XRRA1: variants seen among roughly 807,000 people sequenced by gnomAD.
XRRA1 encodes X-ray radiation resistance associated 1.
In XRRA1, 69 loss-of-function variants were observed where a neutral mutation model predicts 80.2. The observed-to-expected ratio is 0.86, with a 90% confidence interval of 0.71 to 1.05. The LOEUF (loss-of-function observed/expected upper bound fraction) is 1.05. Ranked by LOEUF, XRRA1 falls within the 50% of genes least tolerant of loss-of-function variation. The pLI is 0.00. For missense variants in XRRA1, 967 were observed against 976.4 expected (o/e 0.99, Z 0.13); for synonymous variants, 348 against 389.9 (o/e 0.89, Z 1.27).
intron 14 of XRRA1, 84 bp from the exon 15 acceptor site, chr11:74,848,546 A>G: frequency 7.0e-6 from 9 of 1,280,932 alleles, no homozygotes; most frequent in Non-Finnish European, 9.6e-6. Flanking sequence ...GGCCACTTGT[A>G]TAGCAGCCGG....
At chr11:74,919,915 C>T (rs532606383) in intron 8 of XRRA1, 2 of 339,780 alleles carry the variant, frequency 5.9e-6, no homozygotes, top group East Asian at 1.7e-4. Flanking sequence ...TACCTATGTA[C>T]CTGTTACCAC....
At chr11:74,882,003 AAGG>A (rs2047741177) in intron 10 of XRRA1, among the ~76,000 whole-genome samples, 1 of 143,662 alleles carries the variant, frequency 7.0e-6, no homozygotes, top group Non-Finnish European at 1.5e-5. Context: ...TGCTCTTCTC[AAGG>A]AGTATCTTTG....
In XRRA1 at chr11:74,906,378, T is replaced by C; in HGVS notation, c.864A>G (p.Ser288=). ...YLQQVQLYDE[S]VDWNGGRGSP... ...TTCCCCTGCCTCCATTCCAGTCTAC[T>C]GACTCGTCATAGAGCTGAACTTGCT... The change falls in exon 10 of 19, where the codon TCA becomes TCG. Residue 288 remains serine (S), a synonymous_variant. Coordinates refer to ENST00000684022, the MANE Select transcript of XRRA1 (RefSeq NM_001378157.1). 2 of 1,614,060 alleles carry C rather than the reference T, an allele frequency of 1.2e-6. No homozygotes were observed. The highest frequency in any genetic ancestry group is 1.7e-6 in the Non-Finnish European group (2 of 1,179,900).
At chr11:74,891,534 G>T (rs2050704536) in intron 10 of XRRA1, among the ~76,000 whole-genome samples, 1 of 152,194 alleles carries the variant, frequency 6.6e-6, no homozygotes, top group African/African-American at 2.4e-5. Flanking sequence ...ATTCAACATA[G>T]TGTTGGAAGT....
intron 4 of XRRA1, among the ~76,000 whole-genome samples, chr11:74,934,533 C>T (rs777692483): frequency 6.6e-6 from 1 of 152,106 alleles, no homozygotes; most frequent in Non-Finnish European, 1.5e-5. Context: ...ATTTAAGATG[C>T]TATGAGACAT....
At chr11:74,872,832 G>T (rs1240046216) in intron 10 of XRRA1, among the ~76,000 whole-genome samples, 1 of 152,128 alleles carries the variant, frequency 6.6e-6, no homozygotes, top group East Asian at 1.9e-4. Flanking sequence ...CTAGACATTG[G>T]AACCAGCATC....
At chr11:74,902,374 A>G (rs950649894) in intron 10 of XRRA1, among the ~76,000 whole-genome samples, 4 of 152,336 alleles carry the variant, frequency 2.6e-5, no homozygotes, top group Middle Eastern at 6.8e-3. Context: ...TCACAAAACT[A>G]AAAATACAGC....
At chr11:74,867,729 C>T (rs1248746124) in intron 10 of XRRA1, among the ~76,000 whole-genome samples, 1 of 152,088 alleles carries the variant, frequency 6.6e-6, no homozygotes, top group African/African-American at 2.4e-5. Context: ...CAGAGAACCC[C>T]TGTGAAATAC....
At chr11:74,909,459 A>G (rs1007245366) in intron 8 of XRRA1, among the ~76,000 whole-genome samples, 1 of 152,164 alleles carries the variant, frequency 6.6e-6, no homozygotes, top group Non-Finnish European at 1.5e-5. Context: ...AATTCCTCTT[A>G]AGCTCCATAA....
intron 17 of XRRA1, 43 bp from the exon 18 acceptor site, chr11:74,844,002 C>T (rs772628216): frequency 6.4e-7 from 1 of 1,571,482 alleles, no homozygotes. Flanking sequence ...CAGGTTTATG[C>T]ACAGACTTCC....
chr11:74,848,804 C>G (rs190574531), intron 14 of XRRA1, among the ~76,000 whole-genome samples: 9 of 152,328 alleles, frequency 5.9e-5, no homozygotes, highest in Middle Eastern at 3.4e-3. Flanking sequence ...AGGCTTCATG[C>G]TGCATCCCTG....
chr11:74,896,355 T>C (rs969583665), intron 10 of XRRA1, among the ~76,000 whole-genome samples: 1 of 152,192 alleles, frequency 6.6e-6, no homozygotes. Flanking sequence ...GAAGATCCCT[T>C]GGGCTTTAAG....
In XRRA1 at chr11:74,848,635, T is replaced by C. The variant is rs147288275; in HGVS notation, c.1381-173A>G. Among the ~76,000 whole-genome samples the C allele has an allele frequency of 4.4e-3, 673 of 152,284 alleles. 3 individuals carry two copies. The highest frequency in any genetic ancestry group is 0.015 in the African/African-American group (642 of 41,542). ...CATCTATGATGTGCCCCATGCATGA[T>C]GTAAGTTGTTTTATTTCTACCTTGA... On this transcript the variant is annotated intron_variant, in intron 14 of 18. Transcript: ENST00000684022.
chr11:74,847,613 G>C (rs544207204), intron 15 of XRRA1, among the ~76,000 whole-genome samples: 21 of 152,252 alleles, frequency 1.4e-4, no homozygotes, highest in African/African-American at 5.1e-4. Context: ...CTCCTGGGCT[G>C]GGGCAGAGGC....
intron 4 of XRRA1, among the ~76,000 whole-genome samples, chr11:74,935,404 T>C (rs1254858319): frequency 6.6e-6 from 1 of 152,234 alleles, no homozygotes; most frequent in Admixed American, 6.5e-5. Flanking sequence ...CTCTGGCTTA[T>C]TTTTATGTGA....
chr11:74,924,747 C>T (rs932546672), intron 7 of XRRA1, among the ~76,000 whole-genome samples: 1 of 151,644 alleles, frequency 6.6e-6, no homozygotes, highest in South Asian at 2.1e-4. Context: ...GCATGAGAAT[C>T]GCTTGAACCC....
At chr11:74,891,622 T>G (rs1565340002) in intron 10 of XRRA1, among the ~76,000 whole-genome samples, 1 of 152,208 alleles carries the variant, frequency 6.6e-6, no homozygotes, top group Non-Finnish European at 1.5e-5. Context: ...TTGTCCCTGT[T>G]TGCAGATGAC....
intron 10 of XRRA1, among the ~76,000 whole-genome samples, chr11:74,879,868 A>C (rs1459303331): frequency 6.6e-6 from 1 of 151,966 alleles, no homozygotes; most frequent in Non-Finnish European, 1.5e-5. Context: ...TCGTTTTGTC[A>C]GTATTTTATT....
intron 10 of XRRA1, among the ~76,000 whole-genome samples, chr11:74,885,546 A>G (rs1037405836): frequency 2.0e-5 from 3 of 152,252 alleles, no homozygotes; most frequent in African/African-American, 7.2e-5. Context: ...GAATAGACCA[A>G]TAACAAGTTC....
Sources: allele counts gnomAD v4.1 joint callset (sites outside exome capture counted in the v4.1 genomes callset), GRCh38; gene constraint gnomAD v4.1.1; transcripts MANE v1.5; gene names NCBI Gene and HGNC (gene_info 2026-07-23, HGNC 2026-07-21).